Variants in STX8 observed in about 807,000 individuals in gnomAD.
STX8 encodes syntaxin-8.
A neutral mutation model predicts 37.5 loss-of-function variants in STX8; 23 were observed. The ratio of observed to expected loss-of-function variants is 0.61; its 90% CI spans 0.44 to 0.87. The LOEUF (loss-of-function observed/expected upper bound fraction) is 0.87. STX8 is among the 40% of genes least tolerant of loss of function. The pLI, the probability that STX8 is intolerant of heterozygous loss-of-function variation, is 0.00. For missense variants in STX8, 313 were observed against 284.7 expected, an observed-to-expected ratio of 1.10 and a Z score of -0.71; for synonymous variants, 115 against 99.1, an observed-to-expected ratio of 1.16 and a Z score of -0.95.
chr17:9,278,298 A>G (rs532763370), intron 7 of STX8, among the ~76,000 whole-genome samples: 2 of 152,346 alleles, frequency 1.3e-5, no homozygotes, highest in African/African-American at 4.8e-5. Flanking sequence ...AAAATACAAA[A>G]TTAGCCGGGC....
chr17:9,488,849 T>TG (rs1452817670), intron 6 of STX8, among the ~76,000 whole-genome samples: 1 of 151,114 alleles, frequency 6.6e-6, no homozygotes, highest in Admixed American at 6.6e-5. Flanking sequence ...TGTGTGTGTT[T>TG]TGAGAGTCTC....
chr17:9,250,730 A>G (rs545298545), intron 7 of STX8, 85 bp from the exon 8 acceptor site: 5 of 1,380,612 alleles, frequency 3.6e-6, no homozygotes, highest in Non-Finnish European at 5.0e-6. Flanking sequence ...AGAGACTCAG[A>G]GGGATGTAGT....
intron 6 of STX8, among the ~76,000 whole-genome samples, chr17:9,449,309 C>T (rs1024143139): frequency 2.6e-5 from 4 of 152,160 alleles, no homozygotes; most frequent in Non-Finnish European, 5.9e-5. Flanking sequence ...ACCTATAATC[C>T]CAGCACTTTG....
intron 7 of STX8, among the ~76,000 whole-genome samples, chr17:9,347,009 C>G (rs780123607): frequency 1.3e-5 from 2 of 152,056 alleles, no homozygotes; most frequent in Non-Finnish European, 2.9e-5. Flanking sequence ...TGCCTCTAAT[C>G]CCAGTTACTC....
chr17:9,388,102 G>T (rs112317149), intron 6 of STX8, among the ~76,000 whole-genome samples: 13,189 of 135,514 alleles, frequency 0.097, 721 homozygotes, highest in Middle Eastern at 0.21. Flanking sequence ...ACATTACTTC[G>T]CTCTTGTTGC....
chr17:9,335,603 T>C (rs1263367000), intron 7 of STX8, among the ~76,000 whole-genome samples: 4 of 103,982 alleles, frequency 3.8e-5, no homozygotes, highest in African/African-American at 1.3e-4. Context: ...TAGTCATGAT[T>C]TGTAGGAAGT....
At chr17:9,294,831 T>G (rs1232333063) in intron 7 of STX8, among the ~76,000 whole-genome samples, 6 of 152,194 alleles carry the variant, frequency 3.9e-5, no homozygotes, top group Non-Finnish European at 2.9e-5. Flanking sequence ...ACTAGTCCAA[T>G]AGGACTGATG....
At chr17:9,305,321 G>C (rs933583979) in intron 7 of STX8, among the ~76,000 whole-genome samples, 1 of 152,088 alleles carries the variant, frequency 6.6e-6, no homozygotes, top group Non-Finnish European at 1.5e-5. Flanking sequence ...TTGAACTCCT[G>C]ACCTCGTGGT....
At chr17:9,392,059 T>C (rs141375208) in intron 6 of STX8, among the ~76,000 whole-genome samples, 106 of 152,320 alleles carry the variant, frequency 7.0e-4, no homozygotes, top group African/African-American at 2.4e-3. Context: ...TGGAAAGACT[T>C]TGAAAACTTC....
chr17:9,520,473 T>C (rs1015640954), intron 4 of STX8, among the ~76,000 whole-genome samples: 2 of 152,228 alleles, frequency 1.3e-5, no homozygotes, highest in East Asian at 1.9e-4. Context: ...AGACTTGAAT[T>C]TTTTTAATAA....
At chr17:9,574,128 G>A (rs1350571971) in intron 1 of STX8, among the ~76,000 whole-genome samples, 1 of 151,838 alleles carries the variant, frequency 6.6e-6, no homozygotes, top group Non-Finnish European at 1.5e-5. Context: ...AAAATTAGCT[G>A]GGCGTGGCTG....
intron 7 of STX8, among the ~76,000 whole-genome samples, chr17:9,324,440 G>A (rs1909689689): frequency 6.6e-6 from 1 of 152,028 alleles, no homozygotes; most frequent in Non-Finnish European, 1.5e-5. Flanking sequence ...GGTGCGCAGT[G>A]TGATGGGGTG....
intron 7 of STX8, among the ~76,000 whole-genome samples, chr17:9,365,158 A>G (rs770922285): frequency 9.2e-5 from 14 of 152,362 alleles, no homozygotes; most frequent in African/African-American, 3.4e-4. Context: ...TATTTGGCCC[A>G]CATGGTATTT....
intron 7 of STX8, among the ~76,000 whole-genome samples, chr17:9,318,218 C>T (rs1358853636): frequency 2.6e-5 from 4 of 152,080 alleles, no homozygotes; most frequent in Non-Finnish European, 4.4e-5. Context: ...GTTTGCTGCA[C>T]CCATCAACTC....
chr17:9,553,445 G>A (rs1906845090), intron 3 of STX8: 1 of 152,090 alleles, frequency 6.6e-6, no homozygotes, highest in South Asian at 2.1e-4. Context: ...GGACTTTTCT[G>A]GCAACTCCTA....
intron 7 of STX8, among the ~76,000 whole-genome samples, chr17:9,299,429 C>A (rs993239225): frequency 3.5e-5 from 5 of 141,044 alleles, no homozygotes; most frequent in Non-Finnish European, 4.5e-5. Flanking sequence ...CGTCCGTCTT[C>A]ATTCTTACGC....
intron 6 of STX8, among the ~76,000 whole-genome samples, chr17:9,432,545 A>T (rs1296203113): frequency 1.3e-5 from 2 of 152,236 alleles, no homozygotes; most frequent in Non-Finnish European, 2.9e-5. Context: ...ACACTAAAGT[A>T]TTAGCCACTA....
intron 6 of STX8, among the ~76,000 whole-genome samples, chr17:9,382,662 G>T (rs994835385): frequency 6.6e-5 from 10 of 152,092 alleles, no homozygotes. Context: ...GTATGAGAAA[G>T]GTGGCAAAGC....
At chr17:9,535,476 A>G (rs1389754133) in intron 4 of STX8, among the ~76,000 whole-genome samples, 16 of 96,380 alleles carry the variant, frequency 1.7e-4, no homozygotes, top group Non-Finnish European at 2.1e-4. Context: ...TCTGTCACCC[A>G]GGCTGGAGTG....
Sources: gnomAD v4.1 joint callset for allele counts (sites outside exome capture counted in the v4.1 genomes callset) on GRCh38, gnomAD v4.1.1 for gene constraint, MANE v1.5 for transcripts, NCBI Gene and HGNC (gene_info 2026-07-23, HGNC 2026-07-21) for gene names.